The following PCDH7 variants were observed in gnomAD, a reference collection of about 807,000 sequenced individuals.
The protein encoded by PCDH7 is protocadherin-7.
In PCDH7, 17 loss-of-function variants were observed where a neutral mutation model predicts 58.9. The observed-to-expected ratio is 0.29, with a 90% CI of 0.20 to 0.43. The LOEUF (loss-of-function observed/expected upper bound fraction) is 0.43. Ranked by LOEUF, PCDH7 falls within the 20% of genes least tolerant of loss-of-function variation. The pLI is 1.00. For missense variants in PCDH7, 1,274 were observed against 1,441.0 expected (o/e 0.88, Z 1.88); for synonymous variants, 664 against 616.4 (o/e 1.08, Z -1.14).
intron 1 of PCDH7, among the ~76,000 whole-genome samples, chr4:30,814,328 A>T (rs1042136104): frequency 4.6e-5 from 7 of 152,126 alleles, no homozygotes; most frequent in Admixed American, 3.9e-4. Context: ...ATGCCTTGCA[A>T]TTTTTTCTGC....
chr4:30,816,547 G>C (rs911060042), intron 1 of PCDH7, among the ~76,000 whole-genome samples: 6 of 147,206 alleles, frequency 4.1e-5, no homozygotes, highest in Admixed American at 1.4e-4. Context: ...TTTGGAATGA[G>C]TTTTTTTTTT....
chr4:30,939,608 T>C (rs557835452), intron 2 of PCDH7, among the ~76,000 whole-genome samples: 5 of 152,230 alleles, frequency 3.3e-5, no homozygotes, highest in Admixed American at 2.6e-4. Flanking sequence ...GTAATGTAAA[T>C]GTGAGAATGA....
In PCDH7 at chr4:30,723,992, T is replaced by G; in HGVS notation, c.2570T>G (p.Leu857Trp). ...ATTGACTCCCAGATAGCTAGAAGTT[T>G]GCACATCCCACTCACCCAGGATATA... is the stretch of plus-strand genomic sequence containing the variant. Residue 857 changes from leucine (L) to tryptophan (W), a missense_variant, in exon 1 of 2, where the codon TTG becomes TGG. Around this residue, in one of 3 missense-constraint regions of PCDH7, gnomAD observed 731 missense variants for 881.9 expected, o/e 0.83. Coordinates refer to ENST00000361762, the Ensembl canonical transcript of PCDH7. The surrounding 1 kb of genome is among the most constrained non-coding windows in gnomAD (Gnocchi z 4.6). The G allele has an allele frequency of 6.2e-7, 1 of 1,614,184 alleles. No homozygotes were observed. The highest frequency in any genetic ancestry group is 1.3e-5 in the African/African-American group (1 of 75,044).
At chr4:30,847,028 T>C (rs915750278) in intron 1 of PCDH7, among the ~76,000 whole-genome samples, 5 of 151,848 alleles carry the variant, frequency 3.3e-5, no homozygotes, top group African/African-American at 4.8e-5. Flanking sequence ...GAGGCTGAGG[T>C]GGGAGGAGCA....
rs190138917 is a variant in PCDH7 at position 30,729,342 on chromosome 4, C to A, written c.3175-1411C>A. ...TATATTTGGCTATGAAGATTGACAT[C>A]TTTACAATAGACTATAATTCTGCTT... On this transcript the variant is annotated intron_variant, in intron 1 of 1. Transcript: ENST00000361762. 1.1e-3 allele frequency among the ~76,000 whole-genome samples: 169 copies of A among 152,064 alleles called. 1 individual carries two copies. The highest frequency in any genetic ancestry group is 3.6e-3 in the African/African-American group (151 of 41,552).
chr4:30,991,079 C>T (rs970049517), intron 3 of PCDH7, among the ~76,000 whole-genome samples: 1 of 152,124 alleles, frequency 6.6e-6, no homozygotes, highest in African/African-American at 2.4e-5. Flanking sequence ...TTTCACGATA[C>T]ACCGGGTTCT....
At chr4:31,026,421 G>A (rs952678149) in intron 3 of PCDH7, among the ~76,000 whole-genome samples, 10 of 152,278 alleles carry the variant, frequency 6.6e-5, no homozygotes, top group African/African-American at 2.4e-4. Flanking sequence ...TAACAACAGT[G>A]GGCATACCGA....
chr4:30,855,067 G>A (rs1021392263), intron 1 of PCDH7, among the ~76,000 whole-genome samples: 4 of 151,978 alleles, frequency 2.6e-5, no homozygotes, highest in African/African-American at 7.3e-5. Flanking sequence ...TTCTGAAGGC[G>A]GAAGGCTCAT....
At chr4:30,756,614 C>T (rs745864636) in intron 1 of PCDH7, among the ~76,000 whole-genome samples, 36 of 152,174 alleles carry the variant, frequency 2.4e-4, no homozygotes, top group Admixed American at 5.9e-4. Context: ...CTTGTGTCAA[C>T]TTAAAAAATG....
At chr4:30,982,464 C>T (rs538847358) in intron 3 of PCDH7, among the ~76,000 whole-genome samples, 1 of 152,312 alleles carries the variant, frequency 6.6e-6, no homozygotes, top group South Asian at 2.1e-4. Context: ...AGAAAACCTT[C>T]ACCACCTTCT....
chr4:30,897,646 G>C (rs1183618689), intron 1 of PCDH7, among the ~76,000 whole-genome samples: 1 of 152,146 alleles, frequency 6.6e-6, no homozygotes, highest in Non-Finnish European at 1.5e-5. Flanking sequence ...CTTAACAGAA[G>C]TTATGTGAAT....
intron 1 of PCDH7, among the ~76,000 whole-genome samples, chr4:30,767,446 C>T (rs1487026120): frequency 1.3e-5 from 2 of 152,146 alleles, no homozygotes; most frequent in African/African-American, 4.8e-5. Flanking sequence ...AAACTTGCCT[C>T]TGAGAAATTA....
At chr4:31,037,234 T>C (rs1358631372) in intron 3 of PCDH7, among the ~76,000 whole-genome samples, 1 of 152,206 alleles carries the variant, frequency 6.6e-6, no homozygotes, top group East Asian at 1.9e-4. Context: ...TGAAAACTCT[T>C]GCCTGATCTC....
At chr4:30,999,281 A>G (rs958045234) in intron 3 of PCDH7, among the ~76,000 whole-genome samples, 1 of 152,112 alleles carries the variant, frequency 6.6e-6, no homozygotes, top group African/African-American at 2.4e-5. Context: ...GCCTGTGAGC[A>G]TAATTATTGT....
chr4:31,093,647 G>A (rs1349956508), intron 3 of PCDH7, among the ~76,000 whole-genome samples: 3 of 151,904 alleles, frequency 2.0e-5, no homozygotes, highest in Non-Finnish European at 4.4e-5. Flanking sequence ...AAACTTAAAC[G>A]TAAGCTTTTC....
chr4:31,106,787 T>G (rs886873134), intron 3 of PCDH7, among the ~76,000 whole-genome samples: 3 of 152,200 alleles, frequency 2.0e-5, no homozygotes, highest in Non-Finnish European at 4.4e-5. Flanking sequence ...GGTTCTGAAG[T>G]ATGGTCCATT....
At chr4:31,128,159 A>C (rs1343451281) in intron 3 of PCDH7, among the ~76,000 whole-genome samples, 3 of 151,828 alleles carry the variant, frequency 2.0e-5, no homozygotes, top group Admixed American at 6.6e-5. Flanking sequence ...ACACACACAC[A>C]CACACGGACA....
chr4:30,973,439 T>C (rs985475864), intron 3 of PCDH7, among the ~76,000 whole-genome samples: 21 of 152,198 alleles, frequency 1.4e-4, no homozygotes, highest in African/African-American at 4.6e-4. Flanking sequence ...TAATGAGTGA[T>C]TGGTGCATTT....
At chr4:31,142,344 A>C in intron 3 of PCDH7, 129 bp from the exon 3 acceptor site, 1 of 850,440 alleles carries the variant, frequency 1.2e-6, no homozygotes, top group Non-Finnish European at 1.6e-6. Flanking sequence ...ATGATGAGCT[A>C]GAGGGTGTTG....
Sources: gnomAD v4.1 joint callset for allele counts (sites outside exome capture counted in the v4.1 genomes callset) on GRCh38, gnomAD v4.1.1 for gene constraint, gnomAD v4.1.1 regional missense constraint, Gnocchi (gnomAD v3.1) non-coding constraint, MANE v1.5 for transcripts, NCBI Gene and HGNC (gene_info 2026-07-23, HGNC 2026-07-21) for gene names.